Variants in KMT2D observed in about 807,000 individuals in gnomAD.
KMT2D encodes histone-lysine N-methyltransferase 2D.
A neutral mutation model predicts 512.7 loss-of-function variants in KMT2D; 55 were observed. That is an observed-to-expected ratio of 0.11 (90% CI 0.09 to 0.13). The LOEUF is 0.13. KMT2D is among the 10% of genes least tolerant of loss of function. KMT2D has a pLI of 1.00. For synonymous variants in KMT2D, 2,995 were observed against 2,904.0 expected (o/e 1.03, Z -1.01); for missense variants, 6,061 against 7,127.9 (o/e 0.85, Z 5.39).
intron 1 of KMT2D, among the ~76,000 whole-genome samples, chr12:49,057,922 A>C (rs1428836493): frequency 1.3e-5 from 2 of 152,180 alleles, no homozygotes; most frequent in Admixed American, 6.5e-5. Flanking sequence ...AAGAGGTCCA[A>C]AACAGCAAAG....
Position 49,052,726 on chromosome 12 carries a change from G to T in KMT2D, c.1113-17C>A. Reference sequence around the variant, plus strand: ...GGTGAAAATCTGCAGAGGGTACAGGGGAGCAGGCACTGTGGCTCTCACCAG... The same window carrying T: ...GGTGAAAATCTGCAGAGGGTACAGGTGAGCAGGCACTGTGGCTCTCACCAG... On this transcript the variant is annotated splice_polypyrimidine_tract_variant and intron_variant, in intron 9 of 54. Coordinates refer to ENST00000301067, the MANE Select transcript of KMT2D (RefSeq NM_003482.4). 1.2e-6 allele frequency: 2 copies of T among 1,610,854 alleles called. No homozygotes were observed. Among genetic ancestry groups the T allele is most frequent in the Non-Finnish European group, 1.7e-6 (2 of 1,177,464 alleles).
rs1938671851 is a variant in KMT2D at position 49,060,288 on chromosome 12, A to G, written c.-713T>C. Among the ~76,000 whole-genome samples, 1 of 151,904 alleles carries G rather than the reference A, an allele frequency of 6.6e-6. No individual in the cohort carries two copies. Among genetic ancestry groups the G allele is most frequent in the Non-Finnish European group, 1.5e-5 (1 of 67,924 alleles). On this transcript the variant is annotated 5_prime_UTR_variant, in exon 1 of 55. Transcript: ENST00000301067. ...CTCCCCCCGGGGAAGGGAGGAGGCT[A>G]GGTAGGCGAGGAAAAGGAAGGGGCG...
intron 15 of KMT2D, among the ~76,000 whole-genome samples, chr12:49,047,192 A>C (rs1028706891): frequency 6.6e-6 from 1 of 151,890 alleles, no homozygotes; most frequent in African/African-American, 2.4e-5. Flanking sequence ...AGGCAGCCCA[A>C]TGCAGAGACT....
Position 49,043,134 on chromosome 12 carries a change from C to T in KMT2D, c.5586G>A (p.Lys1862=), listed in dbSNP as rs1213998643. 7 of 1,613,996 alleles carry T rather than the reference C, an allele frequency of 4.3e-6. No individual in the cohort carries two copies. Among genetic ancestry groups the T allele is most frequent in the Non-Finnish European group, 5.9e-6 (7 of 1,179,872 alleles). The change falls in exon 26 of 55, where the codon AAG becomes AAA. Residue 1862 remains lysine (K), a synonymous_variant. Coordinates refer to ENST00000301067, the MANE Select transcript of KMT2D (RefSeq NM_003482.4). ...KASPVPSDPE[K]PGTPGEGMLS... ...GCATCCCTTCACCTGGGGTGCCTGG[C>T]TTCTCAGGGTCACTGGGCACTGGGG...
Position 49,041,600 on chromosome 12 carries a change from C to T in KMT2D, c.6234+55G>A. 1.2e-6 allele frequency: 2 copies of T among 1,612,840 alleles called. No homozygotes were observed. The highest frequency in any genetic ancestry group is 1.7e-6 in the Non-Finnish European group (2 of 1,179,292). ...CAGGCAGGCCCCATGGCCCTCCACC[C>T]TCAAGAGAGGCCACCCACTAGAGGA... On this transcript the variant is annotated intron_variant, in intron 31 of 54. Coordinates refer to ENST00000301067, the MANE Select transcript of KMT2D (RefSeq NM_003482.4). This position sits in a 1 kb window ranked among gnomAD's most constrained non-coding sequence, Gnocchi z 5.4.
rs567870903 is a variant in KMT2D, at chr12:49,050,043, C to G, written c.3545G>C (p.Cys1182Ser). The G allele has an allele frequency of 6.2e-7, 1 of 1,613,916 alleles. No individual in the cohort carries two copies. The highest frequency in any genetic ancestry group is 1.3e-5 in the African/African-American group (1 of 75,048). Residue 1182 changes from cysteine to serine, a missense_variant, in exon 12 of 55, where the codon TGT becomes TCT. Around this residue, in one of 16 missense-constraint regions of KMT2D, gnomAD observed 447 missense variants for 500.1 expected, o/e 0.89. Coordinates refer to ENST00000301067, the MANE Select transcript of KMT2D (RefSeq NM_003482.4). Reference sequence around the variant, plus strand: ...TGCACGTGGCTCTTCCTGTTCTTCACATGGTGAGCCCTGCCCTGCTGTCTG... The same window carrying G: ...TGCACGTGGCTCTTCCTGTTCTTCAGATGGTGAGCCCTGCCCTGCTGTCTG... ...CKQTAGQGSPCEEQEEPRAPV... is the reference protein window; with the variant it reads ...CKQTAGQGSPSEEQEEPRAPV...
intron 48 of KMT2D, 53 bp downstream of exon 48, chr12:49,027,750 G>A (rs1592107973): frequency 1.3e-6 from 2 of 1,550,866 alleles, no homozygotes; most frequent in South Asian, 1.2e-5. Flanking sequence ...CACCGCGCCT[G>A]GCCGGCAGCC....
intron 54 of KMT2D, 44 bp from the exon 55 acceptor site, chr12:49,021,916 A>G (rs1249773342): frequency 1.4e-5 from 22 of 1,574,422 alleles, no homozygotes; most frequent in Non-Finnish European, 1.9e-5. Context: ...CCCCCACAGG[A>G]AGAGGGGAGG....
Position 49,019,560 on chromosome 12 carries a change from C to T in KMT2D, c.*2220G>A. ...CATATGCTTACAAAGTCTGCCCCAT[C>T]CCCTTTTCCCAATCCCAGGGCCCAA... On this transcript the variant is annotated 3_prime_UTR_variant, in exon 55 of 55. Coordinates refer to ENST00000301067, the MANE Select transcript of KMT2D (RefSeq NM_003482.4). The T allele has an allele frequency of 8.8e-6, 2 of 228,082 alleles. No homozygotes were observed. The highest frequency in any genetic ancestry group is 1.7e-5 in the Non-Finnish European group (2 of 114,548). The allele number at this position is 228,082 out of a possible 1,614,324, so 14.1% of individuals were successfully genotyped here. A position where few individuals can be genotyped will look rare whatever the true frequency, so the allele number is the denominator to read the frequency against.
Position 49,031,595 on chromosome 12 carries a change from A to C in KMT2D, c.13110T>G (p.Phe4370Leu). The C allele has an allele frequency of 1.9e-6, 3 of 1,599,560 alleles. No individual in the cohort carries two copies. The highest frequency in any genetic ancestry group is 2.6e-6 in the Non-Finnish European group (3 of 1,172,982). ...GATCCCAAGGTCCCAGACCCTTGCTAAACAAGGTATCTGCAAGCTGGGCAG... is the reference window on the plus strand; with the variant it reads ...GATCCCAAGGTCCCAGACCCTTGCTCAACAAGGTATCTGCAAGCTGGGCAG... ...PAAAQLADTL[F>L]SKGLGPWDPP... Residue 4370 changes from phenylalanine to leucine, a missense_variant, in exon 40 of 55, where the codon TTT becomes TTG. Coordinates refer to ENST00000301067, the MANE Select transcript of KMT2D (RefSeq NM_003482.4).
At position 49,041,508 on chromosome 12, in the gene KMT2D, T is replaced by G. The variant is rs756173191; in HGVS notation, c.6262A>C (p.Thr2088Pro). The change falls in exon 32 of 55, where the codon ACC becomes CCC. Residue 2088 changes from threonine to proline, a missense_variant. Physicochemically the swap from Thr to Pro is conservative, Grantham distance 38. This residue lies in a region of KMT2D where 640 missense variants were observed against 814.3 expected (regional missense o/e 0.79). Transcript: ENST00000301067. The surrounding 1 kb of genome is among the most constrained non-coding windows in gnomAD (Gnocchi z 5.4). ...TTACGGGCTATGTCGCCCACCTTGG[T>G]CTGCTTGTTGATCTGGCTCTCAGCC... ...KQAESQINKQ[T>P]KVGDIARKTD... 1 of 1,613,482 alleles carries G rather than the reference T, an allele frequency of 6.2e-7. No homozygotes were observed. Among genetic ancestry groups the G allele is most frequent in the South Asian group, 1.1e-5 (1 of 91,082 alleles).
intron 14 of KMT2D, 116 bp from the exon 15 acceptor site, chr12:49,048,185 C>G: frequency 1.5e-6 from 1 of 674,262 alleles, no homozygotes; most frequent in East Asian, 2.7e-5. Context: ...CCCCATCCCA[C>G]AGCGTTAGGA....
rs1938630329 is a variant in KMT2D at position 49,059,803 on chromosome 12, G to C, written c.-228C>G. 1.3e-5 allele frequency: 2 copies of C among 152,366 alleles called. No homozygotes were observed. The highest frequency in any genetic ancestry group is 1.3e-4 in the Admixed American group (2 of 15,292). 9.4% of individuals were successfully genotyped at this position (152,366 alleles called of 1,614,324 possible). On this transcript the variant is annotated 5_prime_UTR_variant, in exon 1 of 55. Coordinates refer to ENST00000301067, the MANE Select transcript of KMT2D (RefSeq NM_003482.4). ...AAAAAACAGCAAGAAGCCAAAGAGG[G>C]GTTCTCTGCCTCAGGTTCCAGCAGT...
At position 49,043,968 on chromosome 12, in the gene KMT2D, G is replaced by A. The variant is rs1280192131; in HGVS notation, c.5219C>T (p.Ala1740Val). 5 of 1,613,884 alleles carry A rather than the reference G, an allele frequency of 3.1e-6. No individual in the cohort carries two copies. Among genetic ancestry groups the A allele is most frequent in the African/African-American group, 1.3e-5 (1 of 74,918 alleles). Reference sequence around the variant, plus strand: ...CCCTTCAGCTAAGCTCTGCTCCACGGCGCCCTCTGCAGGCAGGTCAGCAGG... The same window carrying A: ...CCCTTCAGCTAAGCTCTGCTCCACGACGCCCTCTGCAGGCAGGTCAGCAGG... The part of the protein sequence containing the change: ...VIPADLPAEG[A>V]VEQSLAEGDE... The change falls in exon 23 of 55, where the codon GCC (alanine) becomes GTC (valine). Residue 1740 changes from alanine to valine, a missense_variant. Physicochemically the swap from Ala to Val is moderately conservative, Grantham distance 64 (BLOSUM62 0). This residue lies in a region of KMT2D where 640 missense variants were observed against 814.3 expected (regional missense o/e 0.79). Transcript: ENST00000301067.
In KMT2D at chr12:49,044,084, CACA is replaced by C; in HGVS notation, c.5189-89_5189-87del. ...GTGACACTTTGTGCCTACTCTCTCCCACAACACCAGCTGGGTCTACCACCCTCT... is the reference window on the plus strand; with the variant it reads ...GTGACACTTTGTGCCTACTCTCTCCCACACCAGCTGGGTCTACCACCCTCT... On this transcript the variant is annotated intron_variant, in intron 22 of 54. Transcript: ENST00000301067. This position sits in a 1 kb window ranked among gnomAD's most constrained non-coding sequence, Gnocchi z 6.4. The C allele has an allele frequency of 6.3e-7, 1 of 1,596,542 alleles. No individual in the cohort carries two copies. Among genetic ancestry groups the C allele is most frequent in the South Asian group, 1.1e-5 (1 of 89,542 alleles).
chr12:49,039,474 C>T lies in KMT2D; in HGVS notation c.8190G>A (p.Glu2730=), dbSNP rs2120511753. 6.2e-7 allele frequency: 1 copy of T among 1,607,366 alleles called. No individual in the cohort carries two copies. Among genetic ancestry groups the T allele is most frequent in the South Asian group, 1.1e-5 (1 of 90,514 alleles). The change falls in exon 33 of 55, where the codon GAG becomes GAA. Residue 2730 remains glutamate (E), a synonymous_variant. Transcript: ENST00000301067. This position sits in a 1 kb window ranked among gnomAD's most constrained non-coding sequence, Gnocchi z 5.0. ...AGGGGGTCTGGCCTCGACTCAGCTG[C>T]TCAAAGGCAGGGCTGCTGGGCTCAG... The part of the protein sequence containing the change: ...WGAEPSSPAF[E]QLSRGQTPFA...
In KMT2D at chr12:49,022,376, A is replaced by C. The variant is rs1381329065; in HGVS notation, c.16339-23T>G. ...ATTCTAGAAAGGCAGAGGTTGCAGA[A>C]GAAGGGACAAGAGTATCAGAGAGTG... On this transcript the variant is annotated intron_variant, in intron 52 of 54. Coordinates refer to ENST00000301067, the MANE Select transcript of KMT2D (RefSeq NM_003482.4). The surrounding 1 kb of genome is among the most constrained non-coding windows in gnomAD (Gnocchi z 8.6). 1.3e-6 allele frequency: 2 copies of C among 1,594,196 alleles called. No individual in the cohort carries two copies. Among genetic ancestry groups the C allele is most frequent in the South Asian group, 2.2e-5 (2 of 89,622 alleles).
At position 49,032,794 on chromosome 12, in the gene KMT2D, GCTGCTGCTGTTGAAA is replaced by G. The variant is rs1195849154; in HGVS notation, c.11896_11910del (p.Phe3966_Gln3970del). 8 of 1,553,526 alleles carry G rather than the reference GCTGCTGCTGTTGAAA, an allele frequency of 5.1e-6. No individual in the cohort carries two copies. Among genetic ancestry groups the G allele is most frequent in the African/African-American group, 1.4e-5 (1 of 73,284 alleles). ...TTTAAAAGGCCCATCTGCTGCTGTT[GCTGCTGCTGTTGAAA>G]CTGCTGCTGTTGTTGTTGCTGTTGC... On this transcript the variant is annotated inframe_deletion, in exon 40 of 55. Coordinates refer to ENST00000301067, the MANE Select transcript of KMT2D (RefSeq NM_003482.4).
Position 49,033,726 on chromosome 12 carries a change from C to T in KMT2D, c.10979G>A (p.Gly3660Glu), listed in dbSNP as rs201702616. 6.2e-7 allele frequency: 1 copy of T among 1,613,558 alleles called. No individual in the cohort carries two copies. Among genetic ancestry groups the T allele is most frequent in the African/African-American group, 1.3e-5 (1 of 75,038 alleles). ...GQAGGLRLTP[G>E]GMALPGQPGG... ...AGGCTGTCCAGGTAGTGCCATACCC[C>T]CAGGGGTCAGGCGAAGACCTCCGGC... The change falls in exon 40 of 55, where the codon GGG (glycine) becomes GAG (glutamate). Residue 3660 changes from glycine (G) to glutamate (E), a missense_variant. Coordinates refer to ENST00000301067, the MANE Select transcript of KMT2D (RefSeq NM_003482.4).
Sources: gnomAD v4.1 joint callset for allele counts (sites outside exome capture counted in the v4.1 genomes callset) on GRCh38, gnomAD v4.1.1 for gene constraint, gnomAD v4.1.1 regional missense constraint, Gnocchi (gnomAD v3.1) non-coding constraint, MANE v1.5 for transcripts, NCBI Gene and HGNC (gene_info 2026-07-23, HGNC 2026-07-21) for gene names.